Variants in AGMO observed in about 807,000 individuals in gnomAD.
AGMO encodes the protein glyceryl-ether monooxygenase.
In AGMO, 75 loss-of-function variants were observed where a neutral mutation model predicts 60.2. The ratio of observed to expected loss-of-function variants is 1.25; its 90% CI spans 1.03 to 1.51. The LOEUF (loss-of-function observed/expected upper bound fraction) is 1.51, where lower values mean the gene tolerates loss of function less well. Ranked by LOEUF, AGMO falls within the 40% of genes most tolerant of loss-of-function variation. AGMO has a pLI of 0.00. For missense variants in AGMO, 763 were observed against 525.5 expected (o/e 1.45, Z -4.42); for synonymous variants, 261 against 177.1 (o/e 1.47, Z -3.76).
At chr7:15,213,469 G>C (rs913412986) in intron 12 of AGMO, among the ~76,000 whole-genome samples, 2 of 151,628 alleles carry the variant, frequency 1.3e-5, no homozygotes, top group African/African-American at 4.8e-5. Context: ...TCCCCAGATA[G>C]CCTCCAGGAA....
chr7:15,475,116 T>C (rs1474138494), intron 3 of AGMO, among the ~76,000 whole-genome samples: 1 of 152,138 alleles, frequency 6.6e-6, no homozygotes, highest in Non-Finnish European at 1.5e-5. Flanking sequence ...AGTTCATCCA[T>C]TGTGGAAGAC....
At chr7:15,533,710 GC>G in intron 3 of AGMO, among the ~76,000 whole-genome samples, 1 of 152,228 alleles carries the variant, frequency 6.6e-6, no homozygotes, top group East Asian at 1.9e-4. Context: ...AAAGATCACT[GC>G]TAATGAAATC....
At chr7:15,489,684 C>A (rs1420315475) in intron 3 of AGMO, among the ~76,000 whole-genome samples, 1 of 152,138 alleles carries the variant, frequency 6.6e-6, no homozygotes, top group Non-Finnish European at 1.5e-5. Context: ...ACACAAAGTC[C>A]CCAGTTGAAA....
chr7:15,169,433 TTTTC>T, the AGMO span, among the ~76,000 whole-genome samples: 27 of 152,184 alleles, frequency 1.8e-4, no homozygotes, highest in Admixed American at 7.9e-4. Context: ...TTTTTCTTTT[TTTTC>T]TTTCTTTCTT....
At chr7:15,416,019 CTTTTTTTCTTTTTTTTT>C (rs980360313) in intron 5 of AGMO, among the ~76,000 whole-genome samples, 10 of 138,054 alleles carry the variant, frequency 7.2e-5, no homozygotes, top group South Asian at 4.9e-4. Context: ...TTTTTCTTTT[CTTTTTTTCTTTTTTTTT>C]TTTTTTTTGG....
chr7:15,222,213 A>G (rs1451197894), intron 12 of AGMO, among the ~76,000 whole-genome samples: 1 of 152,102 alleles, frequency 6.6e-6, no homozygotes, highest in Non-Finnish European at 1.5e-5. Flanking sequence ...AAGTTATCTA[A>G]TAACAGATTT....
rs78678437 is a variant in AGMO at position 15,514,526 on chromosome 7, C to T, written c.409+30246G>A. On this transcript the variant is annotated intron_variant, in intron 3 of 12. Coordinates refer to ENST00000342526, the MANE Select transcript of AGMO (RefSeq NM_001004320.2). The stretch of plus-strand genomic sequence containing the variant: ...GCTCAGAGAAATTAAGGAATTTGTA[C>T]ACAACTTAAATATCTTCTCTAATCT... 1.5e-3 allele frequency among the ~76,000 whole-genome samples: 223 copies of T among 152,140 alleles called. 7 individuals carry two copies. The East Asian group carries it at 0.04, about 28-fold the overall frequency.
intron 12 of AGMO, among the ~76,000 whole-genome samples, chr7:15,287,036 C>T (rs919805659): frequency 6.6e-5 from 10 of 152,004 alleles, no homozygotes; most frequent in African/African-American, 9.7e-5. Flanking sequence ...TATGCAAAGG[C>T]ATACAGAGTG....
At chr7:15,226,262 T>G (rs1349131048) in intron 12 of AGMO, among the ~76,000 whole-genome samples, 2 of 152,072 alleles carry the variant, frequency 1.3e-5, no homozygotes, top group Non-Finnish European at 2.9e-5. Context: ...TAGCTCCATA[T>G]CTAAATCAGA....
At chr7:15,211,643 C>T (rs956470695) in intron 12 of AGMO, among the ~76,000 whole-genome samples, 6 of 151,694 alleles carry the variant, frequency 4.0e-5, no homozygotes, top group African/African-American at 1.2e-4. Flanking sequence ...TTACTTATGA[C>T]AAAAATATGG....
chr7:15,491,622 C>G (rs186186939), intron 3 of AGMO, among the ~76,000 whole-genome samples: 1 of 152,224 alleles, frequency 6.6e-6, no homozygotes, highest in East Asian at 1.9e-4. Flanking sequence ...AATGTAACGA[C>G]ACAACCCAAG....
the AGMO span, among the ~76,000 whole-genome samples, chr7:15,134,500 T>C: frequency 6.6e-6 from 1 of 152,132 alleles, no homozygotes; most frequent in Non-Finnish European, 1.5e-5. Flanking sequence ...TCCCTTCCTT[T>C]TGCCCATGTG....
chr7:15,353,397 A>G (rs185174317), intron 12 of AGMO, among the ~76,000 whole-genome samples: 59 of 152,284 alleles, frequency 3.9e-4, no homozygotes, highest in Non-Finnish European at 5.9e-4. Flanking sequence ...TATTCATGTT[A>G]TAACTCACTC....
chr7:15,211,330 A>T, intron 12 of AGMO, among the ~76,000 whole-genome samples: 1 of 152,022 alleles, frequency 6.6e-6, no homozygotes, highest in Non-Finnish European at 1.5e-5. Context: ...ATGTGACATA[A>T]ATTGTAAGTA....
chr7:15,134,886 A>C, the AGMO span, among the ~76,000 whole-genome samples: 1 of 152,134 alleles, frequency 6.6e-6, no homozygotes, highest in Admixed American at 6.5e-5. Flanking sequence ...AATTAAATCT[A>C]ATAAAGTCAA....
Position 15,561,903 on chromosome 7 carries a change from G to C in AGMO, c.-58C>G, listed in dbSNP as rs1014304915. 6.6e-7 allele frequency: 1 copy of C among 1,523,158 alleles called. No homozygotes were observed. 94.4% of individuals were successfully genotyped at this position (1,523,158 alleles called of 1,614,324 possible). On this transcript the variant is annotated 5_prime_UTR_variant, in exon 1 of 13. Coordinates refer to ENST00000342526, the MANE Select transcript of AGMO (RefSeq NM_001004320.2). ...ATTTAGGATTCAATGCTTGAAGCCT[G>C]AGGCTGAACAAAGAGGACGAGATGT... is the stretch of plus-strand genomic sequence containing the variant.
At chr7:15,523,618 T>G (rs1247885040) in intron 3 of AGMO, among the ~76,000 whole-genome samples, 1 of 152,002 alleles carries the variant, frequency 6.6e-6, no homozygotes, top group African/African-American at 2.4e-5. Flanking sequence ...CATTCATAAG[T>G]AGGAGTCGAA....
intron 12 of AGMO, among the ~76,000 whole-genome samples, chr7:15,361,797 C>A (rs372333704): frequency 6.6e-6 from 1 of 152,030 alleles, no homozygotes; most frequent in African/African-American, 2.4e-5. Context: ...TAGGCACACA[C>A]CTCCCAAATA....
At chr7:15,439,158 G>A (rs1246911972) in intron 3 of AGMO, among the ~76,000 whole-genome samples, 1 of 152,114 alleles carries the variant, frequency 6.6e-6, no homozygotes, top group Non-Finnish European at 1.5e-5. Context: ...CAGCACTTTG[G>A]GAGGCCAAGG....
Sources: allele counts gnomAD v4.1 joint callset (sites outside exome capture counted in the v4.1 genomes callset), GRCh38; gene constraint gnomAD v4.1.1; transcripts MANE v1.5; gene names NCBI Gene and HGNC (gene_info 2026-07-23, HGNC 2026-07-21).